Variants in SNTG2 observed in about 807,000 individuals in gnomAD.
SNTG2 encodes gamma-2-syntrophin.
SNTG2 carries 74 observed loss-of-function variants against 70.9 expected under a neutral mutation model. The ratio of observed to expected loss-of-function variants is 1.04; its 90% confidence interval spans 0.86 to 1.27. The LOEUF (loss-of-function observed/expected upper bound fraction) is 1.27, where lower values mean the gene tolerates loss of function less well. Among genes scored for constraint, SNTG2 ranks in the 50% most tolerant of loss-of-function variants. SNTG2 has a pLI of 0.00. For synonymous variants in SNTG2, 278 were observed against 273.8 expected (o/e 1.02, Z -0.15); for missense variants, 717 against 690.7 (o/e 1.04, Z -0.43).
chr2:1,298,386 G>A (rs1355224555), intron 14 of SNTG2, among the ~76,000 whole-genome samples: 1 of 152,058 alleles, frequency 6.6e-6, no homozygotes, highest in Non-Finnish European at 1.5e-5. Context: ...CACCCACCTT[G>A]GCCTCCCAAA....
At chr2:1,240,356 C>T (rs573918739) in intron 11 of SNTG2, among the ~76,000 whole-genome samples, 87 of 152,284 alleles carry the variant, frequency 5.7e-4, no homozygotes, top group African/African-American at 1.8e-3. Flanking sequence ...TCACTTCCCA[C>T]GTCTATGAGT....
chr2:1,047,304 C>G (rs764531174), intron 1 of SNTG2, among the ~76,000 whole-genome samples: 84 of 152,268 alleles, frequency 5.5e-4, no homozygotes, highest in Admixed American at 9.8e-4. Flanking sequence ...GTCCTGAATC[C>G]TGATGATCTT....
chr2:1,208,520 G>A (rs1418348570), intron 8 of SNTG2, among the ~76,000 whole-genome samples: 1 of 152,184 alleles, frequency 6.6e-6, no homozygotes, highest in African/African-American at 2.4e-5. Context: ...GACTCTTGCG[G>A]GGCTGCTGCG....
At position 1,113,667 on chromosome 2, in the gene SNTG2, CTAAG is replaced by C. The variant is rs561061845; in HGVS notation, c.325+15259_325+15262del. On this transcript the variant is annotated intron_variant, in intron 4 of 16. Transcript: ENST00000308624. The stretch of plus-strand genomic sequence containing the variant: ...AGTCCTTTGAGGAGGATCATGTGTA[CTAAG>C]TGAGGTTTAACCCTTACAGTCCTTT... 7.1e-4 allele frequency among the ~76,000 whole-genome samples: 107 copies of C among 149,726 alleles called. 1 individual carries two copies. The highest frequency in any genetic ancestry group is 2.5e-3 in the African/African-American group (100 of 39,698).
intron 8 of SNTG2, among the ~76,000 whole-genome samples, chr2:1,179,653 A>G (rs948290023): frequency 2.0e-5 from 3 of 152,006 alleles, no homozygotes; most frequent in Non-Finnish European, 2.9e-5. Context: ...AAGGTAATTT[A>G]TAGATTCAGT....
intron 1 of SNTG2, among the ~76,000 whole-genome samples, chr2:1,031,508 T>TTTTTTATATATA (rs1345229584): frequency 1.7e-5 from 1 of 57,768 alleles, no homozygotes. Context: ...TAGTTCATTG[T>TTTTTTATATATA]TATATATATA....
chr2:1,123,527 T>C (rs7578854), intron 4 of SNTG2, among the ~76,000 whole-genome samples: 72,342 of 152,070 alleles, frequency 0.48, 18,333 homozygotes, highest in East Asian at 0.66. Context: ...GAAATTGGAC[T>C]CTTGTCTTAC....
intron 12 of SNTG2, among the ~76,000 whole-genome samples, chr2:1,250,958 T>G (rs1056601463): frequency 7.2e-5 from 11 of 152,242 alleles, no homozygotes; most frequent in Non-Finnish European, 1.5e-5. Flanking sequence ...ATTGTTTTCA[T>G]TAACTTCTTA....
chr2:1,082,904 C>T lies in SNTG2; in HGVS notation c.73-614C>T, dbSNP rs527969491. On this transcript the variant is annotated intron_variant, in intron 1 of 16. Coordinates refer to ENST00000308624, the MANE Select transcript of SNTG2 (RefSeq NM_018968.4). ...TTATCTTCTTTGACTAATTAAACTT[C>T]CCTCCTGATCAATACTTCCTAGCAA... Among the ~76,000 whole-genome samples the T allele has an allele frequency of 1.7e-3, 260 of 152,172 alleles. 4 individuals are homozygous for T. Among genetic ancestry groups the T allele is most frequent in the Non-Finnish European group, 2.0e-3 (135 of 68,036 alleles).
At chr2:986,972 T>C (rs915434678) in intron 1 of SNTG2, among the ~76,000 whole-genome samples, 3 of 152,254 alleles carry the variant, frequency 2.0e-5, no homozygotes, top group African/African-American at 7.2e-5. Flanking sequence ...ATTATCGTTA[T>C]ATATGTTTTT....
chr2:1,273,447 G>A (rs1679139215), intron 14 of SNTG2, among the ~76,000 whole-genome samples: 1 of 152,106 alleles, frequency 6.6e-6, no homozygotes, highest in South Asian at 2.1e-4. Flanking sequence ...GTGGCTCTGT[G>A]ATTCATTAAT....
chr2:1,167,741 A>G (rs1363977036), intron 7 of SNTG2, among the ~76,000 whole-genome samples: 1 of 112,004 alleles, frequency 8.9e-6, no homozygotes, highest in African/African-American at 3.7e-5. Flanking sequence ...CACAGACGGC[A>G]GAACTGAAGC....
intron 1 of SNTG2, among the ~76,000 whole-genome samples, chr2:1,074,848 A>G (rs920624024): frequency 2.6e-5 from 4 of 152,258 alleles, no homozygotes; most frequent in African/African-American, 4.8e-5. Flanking sequence ...GTTAAGTAAT[A>G]CTATCCTAAG....
intron 16 of SNTG2, among the ~76,000 whole-genome samples, chr2:1,350,484 G>T (rs568968489): frequency 6.6e-6 from 1 of 152,322 alleles, no homozygotes; most frequent in Non-Finnish European, 1.5e-5. Flanking sequence ...GTACTAATCT[G>T]TATGGTGCTT....
At chr2:1,289,722 G>C (rs1456624899) in intron 14 of SNTG2, among the ~76,000 whole-genome samples, 1 of 152,144 alleles carries the variant, frequency 6.6e-6, no homozygotes, top group Non-Finnish European at 1.5e-5. Context: ...GTGTTCAGCT[G>C]TCACCACCAT....
In SNTG2 at chr2:1,137,760, C is replaced by G; in HGVS notation, c.370-8C>G. ...ATTCTCAACATTCTTACTTTGTCAT[C>G]TGTTCAGGTTAATGGCATACATGTA... On this transcript the variant is annotated splice_polypyrimidine_tract_variant and splice_region_variant and intron_variant, in intron 5 of 16. Coordinates refer to ENST00000308624, the MANE Select transcript of SNTG2 (RefSeq NM_018968.4). The G allele has an allele frequency of 3.7e-6, 6 of 1,613,708 alleles. No individual in the cohort carries two copies. The highest frequency in any genetic ancestry group is 5.1e-6 in the Non-Finnish European group (6 of 1,179,752).
At chr2:1,220,001 T>C (rs1293822787) in intron 9 of SNTG2, 2 of 152,234 alleles carry the variant, frequency 1.3e-5, no homozygotes, top group South Asian at 2.1e-4. Context: ...ATTATACTGC[T>C]AAATACTCTA....
intron 1 of SNTG2, among the ~76,000 whole-genome samples, chr2:987,892 C>A (rs927169883): frequency 1.3e-5 from 2 of 152,124 alleles, no homozygotes; most frequent in African/African-American, 4.8e-5. Context: ...CAGCGCTCTC[C>A]GCTCCATTTC....
At chr2:976,271 C>G (rs1184302597) in intron 1 of SNTG2, among the ~76,000 whole-genome samples, 1 of 152,054 alleles carries the variant, frequency 6.6e-6, no homozygotes, top group Non-Finnish European at 1.5e-5. Context: ...CATGAAATAA[C>G]ATTTGTGTTT....
Sources: allele counts gnomAD v4.1 joint callset (sites outside exome capture counted in the v4.1 genomes callset), GRCh38; gene constraint gnomAD v4.1.1; transcripts MANE v1.5; gene names NCBI Gene and HGNC (gene_info 2026-07-23, HGNC 2026-07-21).